PTPRN2: variants seen among roughly 807,000 people sequenced by gnomAD.
PTPRN2 encodes protein tyrosine phosphatase receptor type N2, also known as receptor-type tyrosine-protein phosphatase N2.
Under a neutral mutation model 118.8 loss-of-function variants are expected in PTPRN2, and 74 were observed. That is an observed-to-expected ratio of 0.62 (90% CI 0.52 to 0.76). PTPRN2 has a LOEUF of 0.76. Among genes scored for constraint, PTPRN2 ranks in the 30% least tolerant of loss-of-function variants. The probability of loss-of-function intolerance (pLI) is 0.00; values close to 1 mark genes in which losing one functional copy is unlikely to be tolerated. For missense variants in PTPRN2, 1,481 were observed against 1,394.4 expected (o/e 1.06, Z -0.99); for synonymous variants, 641 against 608.0 (o/e 1.05, Z -0.80).
In PTPRN2 at chr7:158,119,614, G is replaced by GAGA. The variant is rs1563460397; in HGVS notation, c.1557-8700_1557-8699insTCT. On this transcript the variant is annotated intron_variant, in intron 9 of 22. Coordinates refer to ENST00000389418, the MANE Select transcript of PTPRN2 (RefSeq NM_002847.5). ...CAGTACAAGAAGATATTTGAAAGAG[G>GAGA]GAGAGAGAGAGAGAGAGAGACACCA... Among the ~76,000 whole-genome samples, 438 of 147,180 alleles carry GAGA rather than the reference G, an allele frequency of 3.0e-3. 5 individuals are homozygous for GAGA. The highest frequency in any genetic ancestry group is 0.01 in the African/African-American group (404 of 39,184).
At chr7:158,414,723 C>T (rs1456339793) in intron 2 of PTPRN2, among the ~76,000 whole-genome samples, 1 of 152,218 alleles carries the variant, frequency 6.6e-6, no homozygotes, top group Non-Finnish European at 1.5e-5. Flanking sequence ...CAATGTGGCT[C>T]ATTCTTCGAG....
intron 3 of PTPRN2, among the ~76,000 whole-genome samples, chr7:158,273,197 C>T (rs888162607): frequency 2.0e-5 from 3 of 152,294 alleles, no homozygotes; most frequent in Non-Finnish European, 2.9e-5. Context: ...TAGGACAGGG[C>T]ACGTGGAGCT....
At chr7:157,839,645 G>T (rs1563159430) in intron 12 of PTPRN2, among the ~76,000 whole-genome samples, 1 of 151,760 alleles carries the variant, frequency 6.6e-6, no homozygotes, top group Non-Finnish European at 1.5e-5. Flanking sequence ...TGACTGTGTG[G>T]CTATGTGTAG....
intron 2 of PTPRN2, among the ~76,000 whole-genome samples, chr7:158,324,903 G>A (rs12698209): frequency 0.41 from 62,563 of 151,896 alleles, 13,155 homozygotes; most frequent in Middle Eastern, 0.48. Context: ...TGCACTAAAC[G>A]ACATCCCGAG....
chr7:158,324,116 C>A (rs1803277097), intron 2 of PTPRN2, among the ~76,000 whole-genome samples: 2 of 152,152 alleles, frequency 1.3e-5, no homozygotes, highest in Non-Finnish European at 2.9e-5. Context: ...CACACAAGCG[C>A]ACATGCACAA....
intron 11 of PTPRN2, among the ~76,000 whole-genome samples, chr7:157,946,864 C>T (rs1179943598): frequency 6.6e-6 from 1 of 152,210 alleles, no homozygotes; most frequent in Non-Finnish European, 1.5e-5. Context: ...GTGTGGACGG[C>T]CGGGGCCCGA....
chr7:157,565,360 C>T lies in PTPRN2; in HGVS notation c.2902+3542G>A, dbSNP rs963732508. 3.9e-5 allele frequency among the ~76,000 whole-genome samples: 6 copies of T among 152,228 alleles called. No homozygotes were observed. The South Asian group carries it at 6.2e-4, about 16-fold the overall frequency. Reference sequence around the variant, plus strand: ...GATTCATATTGGAACACAAAATTCCCGGTCTGTGGCTCCTGCCAGACAAAA... The same window carrying T: ...GATTCATATTGGAACACAAAATTCCTGGTCTGTGGCTCCTGCCAGACAAAA... On this transcript the variant is annotated intron_variant, in intron 21 of 22. Coordinates refer to ENST00000389418, the MANE Select transcript of PTPRN2 (RefSeq NM_002847.5).
chr7:158,288,459 G>A (rs76236273), intron 3 of PTPRN2, among the ~76,000 whole-genome samples: 310 of 152,156 alleles, frequency 2.0e-3, no homozygotes, highest in African/African-American at 7.2e-3. Flanking sequence ...TATCTACTAA[G>A]GTTTTTGCTT....
intron 11 of PTPRN2, among the ~76,000 whole-genome samples, chr7:157,920,137 A>G (rs1344660207): frequency 6.6e-6 from 1 of 152,248 alleles, no homozygotes; most frequent in Non-Finnish European, 1.5e-5. Flanking sequence ...CAGCCTCGTC[A>G]TTAAGCAACG....
At chr7:157,621,337 T>C (rs1213939609) in intron 15 of PTPRN2, 25 bp downstream of exon 15, 2 of 1,600,592 alleles carry the variant, frequency 1.2e-6, no homozygotes, top group Admixed American at 3.4e-5. Flanking sequence ...AACCCAGGCT[T>C]CCTGCCCCCG....
chr7:158,152,175 A>AAAAAAT, intron 6 of PTPRN2, among the ~76,000 whole-genome samples: 1 of 149,768 alleles, frequency 6.7e-6, no homozygotes, highest in East Asian at 1.9e-4. Flanking sequence ...CTCTGTCTCA[A>AAAAAAT]AAAAAAAAAA....
intron 12 of PTPRN2, among the ~76,000 whole-genome samples, chr7:157,745,432 T>C (rs1462494517): frequency 6.6e-6 from 1 of 150,620 alleles, no homozygotes; most frequent in Admixed American, 6.6e-5. Flanking sequence ...GGGAGGCAGG[T>C]TGGGGGAGAG....
chr7:157,833,363 T>C (rs900232347), intron 12 of PTPRN2, among the ~76,000 whole-genome samples: 10 of 149,600 alleles, frequency 6.7e-5, no homozygotes, highest in South Asian at 2.1e-4. Flanking sequence ...CCATCCCATA[T>C]GATGGTAAAC....
intron 6 of PTPRN2, among the ~76,000 whole-genome samples, chr7:158,155,472 CCATCACCATCAT>C (rs1175838087): frequency 1.1e-4 from 16 of 148,224 alleles, no homozygotes; most frequent in Non-Finnish European, 1.8e-4. Flanking sequence ...ATCATCATCA[CCATCACCATCAT>C]CATCACCATC....
Position 158,138,497 on chromosome 7 carries a change from AG to A in PTPRN2, c.928del (p.Leu310SerfsTer2). 1 of 1,612,244 alleles carries A rather than the reference AG, an allele frequency of 6.2e-7. No homozygotes were observed. Among genetic ancestry groups the A allele is most frequent in the Non-Finnish European group, 8.5e-7 (1 of 1,180,006 alleles). Reference sequence around the variant, plus strand: ...CGGCTGCCTCTGCAGGTCCTTCAGGAGGGTATGAATCCGTGCTCCTAGGGGC... The same window carrying A: ...CGGCTGCCTCTGCAGGTCCTTCAGGAGGTATGAATCCGTGCTCCTAGGGGC... Reference protein sequence around the residue: ...STGDGARIHTLLKDLQRQPAE... With the variant: ...STGDGARIHTXLKDLQRQPAE... On this transcript the variant is annotated frameshift_variant, in exon 7 of 23. Transcript: ENST00000389418. LOFTEE classifies it high-confidence loss of function.
At chr7:157,747,788 G>C (rs1179609502) in intron 12 of PTPRN2, among the ~76,000 whole-genome samples, 841 of 114,760 alleles carry the variant, frequency 7.3e-3, no homozygotes, top group African/African-American at 0.025. Context: ...CTGCGTCCCT[G>C]AGCTGTGGGC....
chr7:158,092,707 A>G (rs1814294750), intron 10 of PTPRN2, among the ~76,000 whole-genome samples: 1 of 152,180 alleles, frequency 6.6e-6, no homozygotes, highest in African/African-American at 2.4e-5. Context: ...ATGATTTAAG[A>G]GACTTACTAT....
intron 20 of PTPRN2, among the ~76,000 whole-genome samples, 182 bp from the exon 21 acceptor site, chr7:157,569,148 C>A (rs922757014): frequency 3.3e-5 from 5 of 152,246 alleles, no homozygotes; most frequent in African/African-American, 7.2e-5. Flanking sequence ...AGAAGGGAGG[C>A]CCCTGGGGGC....
chr7:158,195,354 C>G (rs1247386355), intron 4 of PTPRN2, among the ~76,000 whole-genome samples: 1 of 152,106 alleles, frequency 6.6e-6, no homozygotes, highest in Non-Finnish European at 1.5e-5. Context: ...TGAAATGCAC[C>G]TTTTTTTCCT....
Sources: allele counts gnomAD v4.1 joint callset (sites outside exome capture counted in the v4.1 genomes callset), GRCh38; gene constraint gnomAD v4.1.1; transcripts MANE v1.5; gene names NCBI Gene and HGNC (gene_info 2026-07-23, HGNC 2026-07-21).